AMOTL1: variants seen among roughly 807,000 people sequenced by gnomAD.
The protein encoded by AMOTL1 is angiomotin-like protein 1.
AMOTL1 carries 45 observed loss-of-function variants against 102.9 expected under a neutral mutation model. The ratio of observed to expected loss-of-function variants is 0.44; its 90% CI spans 0.34 to 0.56. The LOEUF (loss-of-function observed/expected upper bound fraction) is 0.56, where lower values mean the gene tolerates loss of function less well. AMOTL1 is among the 20% of genes least tolerant of loss of function. AMOTL1 has a pLI of 0.01. For missense variants in AMOTL1, 1,114 were observed against 1,225.6 expected (o/e 0.91, Z 1.36); for synonymous variants, 481 against 484.7 (o/e 0.99, Z 0.10).
chr11:94,864,816 G>A lies in AMOTL1; in HGVS notation c.2217G>A (p.Glu739=). 6.2e-7 allele frequency: 1 copy of A among 1,613,946 alleles called. No individual in the cohort carries two copies. The highest frequency in any genetic ancestry group is 8.5e-7 in the Non-Finnish European group (1 of 1,179,828). ...SLEAHIWQEE[E]EVVQANRRCQ... ...AGGCCCACATCTGGCAAGAGGAGGA[G>A]GAGGTGGTGCAGGCCAACAGAAGGT... Residue 739 remains glutamate, a synonymous_variant, in exon 10 of 13, where the codon GAG becomes GAA. Coordinates refer to ENST00000433060, the MANE Select transcript of AMOTL1 (RefSeq NM_130847.3).
chr11:94,753,344 C>A (rs996737795), intron 3 of AMOTL1, among the ~76,000 whole-genome samples: 4 of 146,428 alleles, frequency 2.7e-5, no homozygotes, highest in Admixed American at 2.1e-4. Flanking sequence ...CCCCTCCTTG[C>A]CTTGTCACTC....
At chr11:94,717,696 A>T (rs972651278) in intron 1 of AMOTL1, among the ~76,000 whole-genome samples, 4 of 152,000 alleles carry the variant, frequency 2.6e-5, no homozygotes, top group African/African-American at 9.7e-5. Context: ...AAACTGATAC[A>T]TTTAATTATC....
At chr11:94,747,953 G>C (rs1331065532) in intron 3 of AMOTL1, among the ~76,000 whole-genome samples, 1 of 152,180 alleles carries the variant, frequency 6.6e-6, no homozygotes, top group East Asian at 1.9e-4. Context: ...GATGGAATGG[G>C]GTGGGGTGGA....
At chr11:94,821,483 C>G (rs371688594) in intron 3 of AMOTL1, 47 bp from the exon 4 acceptor site, 1 of 1,575,220 alleles carries the variant, frequency 6.3e-7, no homozygotes, top group Non-Finnish European at 8.6e-7. Flanking sequence ...CCTTCCTGCT[C>G]CCACCATTTC....
intron 5 of AMOTL1, 38 bp downstream of exon 5, chr11:94,830,232 T>C: frequency 1.3e-6 from 2 of 1,552,246 alleles, no homozygotes; most frequent in Non-Finnish European, 8.7e-7. Context: ...AAACTACCTG[T>C]AGAGTTTTAG....
Position 94,866,098 on chromosome 11 carries a change from C to A in AMOTL1, c.2418C>A (p.Arg806=), listed in dbSNP as rs1377264935. The part of the protein sequence containing the change: ...SIAAATGTHS[R]QTSLTSSQLA... ...CAGCAGCTACTGGGACACACTCTCG[C>A]CAGACCTCTCTTACCAGCAGCCAGC... The change falls in exon 11 of 13, where the codon CGC becomes CGA. Residue 806 remains arginine, a synonymous_variant. Coordinates refer to ENST00000433060, the MANE Select transcript of AMOTL1 (RefSeq NM_130847.3). 6.2e-7 allele frequency: 1 copy of A among 1,613,962 alleles called. No homozygotes were observed. The highest frequency in any genetic ancestry group is 2.2e-5 in the East Asian group (1 of 44,878).
intron 3 of AMOTL1, among the ~76,000 whole-genome samples, chr11:94,810,344 C>T (rs1318389727): frequency 4.6e-5 from 7 of 152,084 alleles, no homozygotes; most frequent in Non-Finnish European, 8.8e-5. Flanking sequence ...AATCCTGGGT[C>T]TCCAAAAAGA....
intron 6 of AMOTL1, among the ~76,000 whole-genome samples, chr11:94,843,583 C>G (rs2135694846): frequency 6.6e-6 from 1 of 152,316 alleles, no homozygotes; most frequent in South Asian, 2.1e-4. Context: ...TAAATTGTAG[C>G]TGTCCCTTGG....
intron 3 of AMOTL1, among the ~76,000 whole-genome samples, chr11:94,803,677 C>T (rs1251955828): frequency 6.6e-6 from 1 of 152,206 alleles, no homozygotes; most frequent in African/African-American, 2.4e-5. Flanking sequence ...GAAGTAGTGA[C>T]TTGGCTTATG....
intron 1 of AMOTL1, among the ~76,000 whole-genome samples, chr11:94,710,756 C>T (rs578119968): frequency 6.6e-6 from 1 of 152,072 alleles, no homozygotes. Flanking sequence ...CATTTTTTGT[C>T]CCTCTTTTTG....
chr11:94,790,886 G>A (rs1157135440), intron 1 of AMOTL1, among the ~76,000 whole-genome samples: 11 of 152,232 alleles, frequency 7.2e-5, no homozygotes, highest in Non-Finnish European at 1.6e-4. Flanking sequence ...AGGTGAATCA[G>A]AGGAGTGGCT....
chr11:94,874,524 A>T lies in AMOTL1; in HGVS notation c.*3729A>T, dbSNP rs1166841895. 6.6e-6 allele frequency: 1 copy of T among 152,242 alleles called. No homozygotes were observed. The highest frequency in any genetic ancestry group is 1.5e-5 in the Non-Finnish European group (1 of 68,058). The allele number at this position is 152,242 out of a possible 1,614,324, so 9.4% of individuals were successfully genotyped here. The stretch of plus-strand genomic sequence containing the variant: ...CAAGGCTTGGCATGGATACCAAAAC[A>T]GTTGCAACAAATTAGTTCTGAACCT... On this transcript the variant is annotated 3_prime_UTR_variant, in exon 13 of 13. Coordinates refer to ENST00000433060, the MANE Select transcript of AMOTL1 (RefSeq NM_130847.3).
chr11:94,768,642 G>A, intron 1 of AMOTL1, 82 bp downstream of exon 1: 2 of 1,544,178 alleles, frequency 1.3e-6, no homozygotes, highest in Admixed American at 2.0e-5. Context: ...GGCTCCCCGG[G>A]CCCCTGCTGC....
chr11:94,736,655 A>G lies in AMOTL1; in HGVS notation c.86-4283A>G, dbSNP rs182806741. Among the ~76,000 whole-genome samples the G allele has an allele frequency of 2.3e-3, 343 of 152,342 alleles. 8 individuals carry two copies. Among genetic ancestry groups the G allele is most frequent in the Admixed American group, 0.022 (333 of 15,298 alleles). On this transcript the variant is annotated intron_variant, in intron 2 of 4. Transcript: ENST00000299004. ...CTCCTAACAATCCAGTGAGGTATGTATTATTGTTAGGAAACTGAAAATGCC... is the reference window on the plus strand; with the variant it reads ...CTCCTAACAATCCAGTGAGGTATGTGTTATTGTTAGGAAACTGAAAATGCC...
At chr11:94,725,006 C>T (rs983828551) in intron 1 of AMOTL1, among the ~76,000 whole-genome samples, 2 of 152,076 alleles carry the variant, frequency 1.3e-5, no homozygotes. Context: ...CAATGTACGA[C>T]CAGGGTTTTT....
At chr11:94,735,861 T>A (rs907791801) in intron 2 of AMOTL1, among the ~76,000 whole-genome samples, 1 of 152,174 alleles carries the variant, frequency 6.6e-6, no homozygotes, top group African/African-American at 2.4e-5. Flanking sequence ...TATTTGTTTA[T>A]ATTATAAAAA....
intron 1 of AMOTL1, among the ~76,000 whole-genome samples, chr11:94,708,253 T>C (rs1158755771): frequency 1.3e-5 from 2 of 152,236 alleles, no homozygotes; most frequent in African/African-American, 4.8e-5. Context: ...AGAGAAGAAC[T>C]TGAAATGCTT....
At chr11:94,816,997 A>T (rs1188328252) in intron 3 of AMOTL1, among the ~76,000 whole-genome samples, 1 of 152,224 alleles carries the variant, frequency 6.6e-6, no homozygotes, top group African/African-American at 2.4e-5. Flanking sequence ...TCTGTGTCAG[A>T]TGAACACAAT....
intron 1 of AMOTL1, 119 bp downstream of exon 1, chr11:94,768,679 C>T: frequency 2.8e-6 from 4 of 1,449,414 alleles, no homozygotes; most frequent in African/African-American, 1.4e-5. Flanking sequence ...CTTCTGGGGG[C>T]CCGGGGCTGA....
Sources: allele counts gnomAD v4.1 joint callset (sites outside exome capture counted in the v4.1 genomes callset), GRCh38; gene constraint gnomAD v4.1.1; transcripts MANE v1.5; gene names NCBI Gene and HGNC (gene_info 2026-07-23, HGNC 2026-07-21).